Variants in DUSP9 observed in about 807,000 individuals in gnomAD.
DUSP9 encodes the protein dual specificity phosphatase 9.
In DUSP9, 4 loss-of-function variants were observed where a neutral mutation model predicts 13.2. The ratio of observed to expected loss-of-function variants is 0.30; its 90% confidence interval spans 0.15 to 0.69. The LOEUF is 0.69. Ranked by LOEUF, DUSP9 falls within the 30% of genes least tolerant of loss-of-function variation. The pLI is 0.73. For synonymous variants in DUSP9, 166 were observed against 172.3 expected, an observed-to-expected ratio of 0.96 and a Z score of 0.29; for missense variants, 263 against 355.0, an observed-to-expected ratio of 0.74 and a Z score of 2.08.
chrX:153,645,398 AC>A (rs1370091061), upstream of DUSP9, among the ~76,000 whole-genome samples: 5 of 113,118 alleles, frequency 4.4e-5, no homozygotes, highest in Admixed American at 9.2e-5. Context: ...CTCTTGTTAG[AC>A]GCAGGGACAT....
At chrX:153,644,138 C>G (rs1163924722), upstream of DUSP9, among the ~76,000 whole-genome samples, 1 of 109,270 alleles carries the variant, frequency 9.2e-6, no homozygotes, top group South Asian at 3.8e-4. Context: ...CGGTGCATCT[C>G]GTGGGGGAAG....
chrX:153,646,300 G>A (rs781923237), upstream of DUSP9, among the ~76,000 whole-genome samples: 1 of 111,095 alleles, frequency 9.0e-6, no homozygotes, highest in Admixed American at 9.6e-5. Context: ...GAGGCCACCA[G>A]CCTTGGTTGA....
chrX:153,648,001 G>A lies in DUSP9; in HGVS notation c.48G>A (p.Ser16=). 1 of 1,100,389 alleles carries A rather than the reference G, an allele frequency of 9.1e-7. No homozygotes were observed. The highest frequency in any genetic ancestry group is 1.2e-6 in the Non-Finnish European group (1 of 847,960). 90.7% of individuals were successfully genotyped at this position (1,100,389 alleles called of 1,213,427 possible). A position where few individuals can be genotyped will look rare whatever the true frequency, so the allele number is the denominator to read the frequency against. The part of the protein sequence containing the change: ...RSCLWLRREL[S]PPRPRLLLLD... ...GCCTGTGGCTGCGTCGGGAGCTGTC[G>A]CCCCCGCGGCCGCGGCTCCTGCTCC... Residue 16 remains serine, a synonymous_variant, in exon 2 of 4, where the codon TCG becomes TCA. Transcript: ENST00000342782.
chrX:153,645,282 G>A (rs1340897558), upstream of DUSP9, among the ~76,000 whole-genome samples: 1 of 113,407 alleles, frequency 8.8e-6, no homozygotes, highest in Non-Finnish European at 1.9e-5. Context: ...TCAGAATCTG[G>A]GCAGGGGGCA....
chrX:153,649,179 A>C, intron 2 of DUSP9, 53 bp from the exon 3 acceptor site: 1 of 1,139,711 alleles, frequency 8.8e-7, no homozygotes, highest in East Asian at 3.0e-5. Flanking sequence ...AGACAGAGGC[A>C]CTTGGCTGCC....
chrX:153,649,045 G>A (rs1198360468), intron 2 of DUSP9, among the ~76,000 whole-genome samples, 187 bp from the exon 3 acceptor site: 2 of 112,368 alleles, frequency 1.8e-5, no homozygotes, highest in Non-Finnish European at 3.8e-5. Flanking sequence ...CTTGCAGCCC[G>A]AGCTGACTGA....
upstream of DUSP9, among the ~76,000 whole-genome samples, chrX:153,644,479 C>T (rs1386644368): frequency 2.8e-5 from 3 of 107,155 alleles, no homozygotes; most frequent in Admixed American, 9.6e-5. Context: ...CTACAGGGGG[C>T]CTGAGTGGGG....
intron 2 of DUSP9, 130 bp downstream of exon 2, chrX:153,648,456 A>G: frequency 1.2e-6 from 1 of 803,550 alleles, no homozygotes; most frequent in African/African-American, 2.2e-5. Context: ...CTTTGAGAGG[A>G]GGGAAGCCTG....
intron 1 of DUSP9, 175 bp from the exon 2 acceptor site, chrX:153,647,744 C>A: frequency 3.1e-6 from 1 of 318,686 alleles, no homozygotes; most frequent in Non-Finnish European, 5.2e-6. Flanking sequence ...CAGCCCTCTT[C>A]TCGAGGACCC....
upstream of DUSP9, among the ~76,000 whole-genome samples, chrX:153,644,506 C>T (rs187403985): frequency 2.0e-3 from 217 of 109,854 alleles, no homozygotes; most frequent in African/African-American, 6.9e-3. Context: ...CGGCGAGGGT[C>T]GCGGGTGAGA....
upstream of DUSP9, among the ~76,000 whole-genome samples, chrX:153,643,218 C>T (rs2091175350): frequency 9.0e-6 from 1 of 110,629 alleles, no homozygotes; most frequent in Admixed American, 9.5e-5. Flanking sequence ...CACTCTCATC[C>T]ACCCCAGCAC....
chrX:153,649,286 C>T lies in DUSP9; in HGVS notation c.428C>T (p.Ala143Val), dbSNP rs374198108. Residue 143 changes from alanine (A) to valine (V), a missense_variant, in exon 3 of 4, where the codon GCT (alanine) becomes GTT (valine). Ala to Val is a moderately conservative substitution (Grantham distance 64). Transcript: ENST00000342782. ...ECPHLCETSLAGRAGSSMAPV... is the reference protein window; with the variant it reads ...ECPHLCETSLVGRAGSSMAPV... ...CCTCACCTGTGTGAGACCAGCCTTG[C>T]TGGCCGTGCCGGCTCCAGCATGGCG... The T allele has an allele frequency of 4.5e-5, 55 of 1,209,580 alleles. No homozygotes were observed. Among genetic ancestry groups the T allele is most frequent in the Non-Finnish European group, 5.6e-5 (50 of 895,308 alleles).
Position 153,648,334 on chromosome X carries a change from C to G in DUSP9, c.373+8C>G. The stretch of plus-strand genomic sequence containing the variant: ...TGGCCTACTACCTCCAGGGTAGGTG[C>G]CGCGGGGCCCTCCTTCCAGGGGGTT... On this transcript the variant is annotated splice_region_variant and intron_variant, in intron 2 of 3. Transcript: ENST00000342782. 9.0e-7 allele frequency: 1 copy of G among 1,109,382 alleles called. No individual in the cohort carries two copies. The highest frequency in any genetic ancestry group is 1.2e-6 in the Non-Finnish European group (1 of 852,601). 91.4% of individuals were successfully genotyped at this position (1,109,382 alleles called of 1,213,427 possible). A position where few individuals can be genotyped will look rare whatever the true frequency, so the allele number is the denominator to read the frequency against.
chrX:153,643,549 G>A, upstream of DUSP9: 1 of 334,745 alleles, frequency 3.0e-6, no homozygotes, highest in Non-Finnish European at 6.0e-6. Context: ...AGATGTGGAA[G>A]CAAGGGGCCC....
chrX:153,649,957 G>C (rs1557036216), intron 3 of DUSP9, 23 bp from the exon 4 acceptor site: 6 of 1,194,242 alleles, frequency 5.0e-6, no homozygotes, highest in South Asian at 1.8e-5. Flanking sequence ...CGGGTCTCCC[G>C]GGCCCTTTCC....
At position 153,650,732 on chromosome X, in the gene DUSP9, A is replaced by C; in HGVS notation, c.*427A>C. ...TTGTCACCTCCCTGTTTCTCCACCA[A>C]GGGCTTGGGCCTCTCGGGGCTGGGG... On this transcript the variant is annotated 3_prime_UTR_variant, in exon 4 of 4. Transcript: ENST00000342782. The C allele has an allele frequency of 8.9e-6, 1 of 112,101 alleles. No homozygotes were observed. The highest frequency in any genetic ancestry group is 1.7e-5 in the Non-Finnish European group (1 of 57,413). 9.2% of individuals were successfully genotyped at this position (112,101 alleles called of 1,213,427 possible).
chrX:153,648,004 C>T lies in DUSP9; in HGVS notation c.51C>T (p.Pro17=). 9.1e-7 allele frequency: 1 copy of T among 1,102,476 alleles called. No individual in the cohort carries two copies. Among genetic ancestry groups the T allele is most frequent in the East Asian group, 3.9e-5 (1 of 25,573 alleles). The allele number at this position is 1,102,476 out of a possible 1,213,427, so 90.9% of individuals were successfully genotyped here. ...TGTGGCTGCGTCGGGAGCTGTCGCC[C>T]CCGCGGCCGCGGCTCCTGCTCCTGG... is the stretch of plus-strand genomic sequence containing the variant. The part of the protein sequence containing the change: ...SCLWLRRELS[P]PRPRLLLLDC... Residue 17 remains proline, a synonymous_variant, in exon 2 of 4, where the codon CCC becomes CCT. Transcript: ENST00000342782.
chrX:153,649,106 T>C, intron 2 of DUSP9, 126 bp from the exon 3 acceptor site: 1 of 660,733 alleles, frequency 1.5e-6, no homozygotes, highest in African/African-American at 2.2e-5. Flanking sequence ...CTGCTGGGTT[T>C]TGTGTTCCCT....
Position 153,649,621 on chromosome X carries a change from A to C in DUSP9, c.763A>C (p.Ile255Leu). 1 of 1,211,620 alleles carries C rather than the reference A, an allele frequency of 8.3e-7. No individual in the cohort carries two copies. Among genetic ancestry groups the C allele is most frequent in the Non-Finnish European group, 1.1e-6 (1 of 895,504 alleles). The change falls in exon 3 of 4, where the codon ATC (isoleucine) becomes CTC (leucine). Residue 255 changes from isoleucine to leucine, a missense_variant. Ile to Leu is a conservative substitution (Grantham distance 5). Coordinates refer to ENST00000342782, the MANE Select transcript of DUSP9 (RefSeq NM_001318503.2). ...GAATGGTGACTTTCACTACAAGCAG[A>C]TCCCCATCTCCGACCACTGGAGCCA... ...EKNGDFHYKQ[I>L]PISDHWSQNL... is the part of the protein sequence containing the mutation.
Sources: gnomAD v4.1 joint callset for allele counts (sites outside exome capture counted in the v4.1 genomes callset) on GRCh38, gnomAD v4.1.1 for gene constraint, MANE v1.5 for transcripts, NCBI Gene and HGNC (gene_info 2026-07-23, HGNC 2026-07-21) for gene names.